The following TRPM3 variants were observed in gnomAD, a reference collection of about 807,000 sequenced individuals.
The protein encoded by TRPM3 is transient receptor potential cation channel subfamily M member 3.
Under a neutral mutation model 181.2 loss-of-function variants are expected in TRPM3, and 77 were observed. The ratio of observed to expected loss-of-function variants is 0.42; its 90% CI spans 0.35 to 0.51. The LOEUF (loss-of-function observed/expected upper bound fraction) is 0.51, where lower values mean the gene tolerates loss of function less well. Among genes scored for constraint, TRPM3 ranks in the 20% least tolerant of loss-of-function variants. TRPM3 has a pLI of 0.01. For synonymous variants in TRPM3, 745 were observed against 796.4 expected, an observed-to-expected ratio of 0.94 and a Z score of 1.09; for missense variants, 1,759 against 2,196.7, an observed-to-expected ratio of 0.80 and a Z score of 3.98.
At chr9:71,398,118 C>T (rs534098240) in intron 1 of TRPM3, among the ~76,000 whole-genome samples, 3 of 152,284 alleles carry the variant, frequency 2.0e-5, no homozygotes, top group Admixed American at 1.3e-4. Context: ...TGATAAGCTT[C>T]ACATTACATC....
chr9:70,940,627 T>G (rs139911136), intron 1 of TRPM3, among the ~76,000 whole-genome samples: 1 of 152,242 alleles, frequency 6.6e-6, no homozygotes, highest in East Asian at 1.9e-4. Context: ...GTGAAAGAAA[T>G]AATCATGAAG....
intron 1 of TRPM3, among the ~76,000 whole-genome samples, chr9:71,258,241 C>T (rs1247360318): frequency 6.6e-6 from 1 of 152,078 alleles, no homozygotes; most frequent in African/African-American, 2.4e-5. Flanking sequence ...TGTTATTAGC[C>T]CCACTTTTCA....
chr9:71,345,507 G>A (rs143605831), intron 1 of TRPM3, among the ~76,000 whole-genome samples: 2,052 of 151,954 alleles, frequency 0.014, 30 homozygotes, highest in Admixed American at 0.019. Context: ...ACCAAACACC[G>A]CATATTCTCA....
At chr9:71,000,791 T>C (rs774983075) in intron 1 of TRPM3, among the ~76,000 whole-genome samples, 1 of 152,178 alleles carries the variant, frequency 6.6e-6, no homozygotes, top group Non-Finnish European at 1.5e-5. Context: ...GGTGGAGTCA[T>C]TTTCTAATTT....
chr9:71,282,080 G>GAAAGAAAAAGAAAGAACGAAAGACA (rs1565417673), intron 1 of TRPM3, among the ~76,000 whole-genome samples: 1 of 34,072 alleles, frequency 2.9e-5, no homozygotes, highest in Non-Finnish European at 6.0e-5. Context: ...AGGAAAGAAA[G>GAAAGAAAAAGAAAGAACGAAAGACA]GAAAGAAAGA....
intron 7 of TRPM3, among the ~76,000 whole-genome samples, chr9:70,781,485 T>C (rs1429335422): frequency 6.6e-6 from 1 of 152,058 alleles, no homozygotes; most frequent in East Asian, 1.9e-4. Context: ...TTGCTTTTGA[T>C]TTCTTTGGAA....
chr9:70,816,161 A>G (rs1478507028), intron 6 of TRPM3, among the ~76,000 whole-genome samples: 1 of 152,242 alleles, frequency 6.6e-6, no homozygotes, highest in African/African-American at 2.4e-5. Flanking sequence ...TCTCTAAAAC[A>G]AAGTGACCCA....
At chr9:70,810,796 A>C (rs2091886939) in intron 6 of TRPM3, among the ~76,000 whole-genome samples, 1 of 152,218 alleles carries the variant, frequency 6.6e-6, no homozygotes, top group African/African-American at 2.4e-5. Context: ...GCAAAGGCTT[A>C]ACCTCTTGGA....
intron 1 of TRPM3, among the ~76,000 whole-genome samples, chr9:71,337,822 T>A (rs1018049895): frequency 6.6e-6 from 1 of 152,062 alleles, no homozygotes; most frequent in Admixed American, 6.6e-5. Context: ...CTCAGCAAAC[T>A]AACACAGGAA....
chr9:71,137,512 T>G (rs2074841838), intron 1 of TRPM3, among the ~76,000 whole-genome samples: 1 of 152,224 alleles, frequency 6.6e-6, no homozygotes, highest in Non-Finnish European at 1.5e-5. Context: ...GATCATCTAT[T>G]TGGTAATTGT....
chr9:70,898,468 G>A (rs1391676539), intron 1 of TRPM3, among the ~76,000 whole-genome samples: 2 of 150,132 alleles, frequency 1.3e-5, no homozygotes, highest in African/African-American at 2.4e-5. Flanking sequence ...ATTGGTTTCC[G>A]GCCGGGCACG....
Position 70,663,177 on chromosome 9 carries a change from G to A in TRPM3, c.1345+18329C>T, listed in dbSNP as rs71505907. 7.0e-3 allele frequency among the ~76,000 whole-genome samples: 1,061 copies of A among 152,242 alleles called. 9 individuals are homozygous for A. Among genetic ancestry groups the A allele is most frequent in the Middle Eastern group, 0.017 (5 of 294 alleles). On this transcript the variant is annotated intron_variant, in intron 9 of 25. Coordinates refer to ENST00000677713, the MANE Select transcript of TRPM3 (RefSeq NM_001366145.2). ...TATTGTATGTTCTCACTCATAAGGGGAACTAAACTATGAGGATGTGAAGGC... is the reference window on the plus strand; with the variant it reads ...TATTGTATGTTCTCACTCATAAGGGAAACTAAACTATGAGGATGTGAAGGC...
At chr9:71,413,908 A>G (rs2093600060) in intron 1 of TRPM3, among the ~76,000 whole-genome samples, 1 of 151,444 alleles carries the variant, frequency 6.6e-6, no homozygotes, top group Non-Finnish European at 1.5e-5. Flanking sequence ...TTACAGTCAC[A>G]TAAAACAAAC....
rs1348963295 is a variant in TRPM3 at position 70,603,110 on chromosome 9, C to T, written c.2796+232G>A. On this transcript the variant is annotated intron_variant, in intron 20 of 25. Transcript: ENST00000677713. The stretch of plus-strand genomic sequence containing the variant: ...AGAGGCCTTCTTGGGACAAAGGCTA[C>T]GTTAGCAGAGAATAGACCAAATCCT... 3.3e-5 allele frequency among the ~76,000 whole-genome samples: 5 copies of T among 152,120 alleles called. No individual in the cohort carries two copies. In the East Asian group the frequency reaches 7.7e-4, roughly 23 times the overall value.
At chr9:71,208,948 A>T (rs2079300099) in intron 1 of TRPM3, among the ~76,000 whole-genome samples, 1 of 152,196 alleles carries the variant, frequency 6.6e-6, no homozygotes, top group African/African-American at 2.4e-5. Context: ...TCAAGACTTT[A>T]ATAGCAGTCC....
intron 1 of TRPM3, among the ~76,000 whole-genome samples, chr9:70,935,221 T>G (rs2133463945): frequency 6.6e-6 from 1 of 152,212 alleles, no homozygotes; most frequent in East Asian, 1.9e-4. Flanking sequence ...CTCCCTGAAA[T>G]TTTTGAATCA....
intron 1 of TRPM3, among the ~76,000 whole-genome samples, chr9:71,162,995 G>A (rs1274606576): frequency 6.6e-6 from 1 of 152,174 alleles, no homozygotes; most frequent in Non-Finnish European, 1.5e-5. Flanking sequence ...TGTGGGAAAT[G>A]TTGCTGGAGT....
At chr9:71,341,159 G>A (rs1198883222) in intron 1 of TRPM3, among the ~76,000 whole-genome samples, 3 of 152,054 alleles carry the variant, frequency 2.0e-5, no homozygotes, top group African/African-American at 7.2e-5. Context: ...GGAAGAAAGA[G>A]GAAAGTAAAA....
At chr9:71,321,338 T>G (rs1048068269) in intron 1 of TRPM3, among the ~76,000 whole-genome samples, 3 of 152,198 alleles carry the variant, frequency 2.0e-5, no homozygotes, top group African/African-American at 7.2e-5. Context: ...GAAATTTTTA[T>G]CCTCATCTGT....
Sources: allele counts gnomAD v4.1 joint callset (sites outside exome capture counted in the v4.1 genomes callset), GRCh38; gene constraint gnomAD v4.1.1; transcripts MANE v1.5; gene names NCBI Gene and HGNC (gene_info 2026-07-23, HGNC 2026-07-21).